The following HTR2C variants were observed in gnomAD, a reference collection of about 807,000 sequenced individuals.
HTR2C encodes 5-hydroxytryptamine receptor 2C.
A neutral mutation model predicts 21.0 loss-of-function variants in HTR2C; 5 were observed. That is an observed-to-expected ratio of 0.24 (90% CI 0.12 to 0.50). The LOEUF (loss-of-function observed/expected upper bound fraction) is 0.50, where lower values mean the gene tolerates loss of function less well. Ranked by LOEUF, HTR2C falls within the 20% of genes least tolerant of loss-of-function variation. HTR2C has a pLI of 0.98. For missense variants in HTR2C, 271 were observed against 371.2 expected, an observed-to-expected ratio of 0.73 and a Z score of 2.22; for synonymous variants, 150 against 145.3, an observed-to-expected ratio of 1.03 and a Z score of -0.23.
chrX:114,678,636 A>G (rs1258146470), intron 2 of HTR2C, among the ~76,000 whole-genome samples: 1 of 111,723 alleles, frequency 9.0e-6, no homozygotes, highest in Non-Finnish European at 1.9e-5. Flanking sequence ...TCTGGTAATC[A>G]TAATCTTGTG....
chrX:114,855,746 CTTTTTTTTTTTTT>C (rs782183285), intron 5 of HTR2C, among the ~76,000 whole-genome samples: 7 of 17,913 alleles, frequency 3.9e-4, no homozygotes, highest in African/African-American at 9.2e-4. Context: ...AAGCAACCAT[CTTTTTTTTTTTTT>C]TTTTTTTTTT....
At chrX:114,735,691 A>G (rs1438798905) in intron 4 of HTR2C, among the ~76,000 whole-genome samples, 1 of 111,638 alleles carries the variant, frequency 9.0e-6, no homozygotes, top group Admixed American at 9.5e-5. Flanking sequence ...ATAAGAAAAC[A>G]TGGGTCTAGG....
intron 4 of HTR2C, among the ~76,000 whole-genome samples, chrX:114,806,083 A>C (rs2070425246): frequency 9.8e-6 from 1 of 101,797 alleles, no homozygotes; most frequent in Admixed American, 1.1e-4. Flanking sequence ...TACACCATAT[A>C]TATACCACAT....
intron 4 of HTR2C, among the ~76,000 whole-genome samples, chrX:114,843,997 C>A (rs2070855034): frequency 9.0e-6 from 1 of 110,628 alleles, no homozygotes; most frequent in Non-Finnish European, 1.9e-5. Flanking sequence ...AAAGGGAGTC[C>A]TTCAGGATGA....
intron 4 of HTR2C, among the ~76,000 whole-genome samples, chrX:114,833,494 G>A (rs2070749533): frequency 9.0e-6 from 1 of 111,562 alleles, no homozygotes; most frequent in Admixed American, 9.5e-5. Context: ...GCGTAGAGGT[G>A]TTTGTAGTAT....
chrX:114,689,042 A>T (rs1556414704), intron 2 of HTR2C, among the ~76,000 whole-genome samples: 2 of 107,434 alleles, frequency 1.9e-5, no homozygotes. Flanking sequence ...TGACTTTTGC[A>T]TCCTCATACC....
rs782743181 is a variant in HTR2C at position 114,743,192 on chromosome X, G to A, written c.349+11585G>A. Among the ~76,000 whole-genome samples, 599 of 91,538 alleles carry A rather than the reference G, an allele frequency of 6.5e-3. 6 individuals are homozygous for A. The highest frequency in any genetic ancestry group is 0.022 in the African/African-American group (555 of 24,849). The allele number at this position is 91,538 out of a possible 115,157, so 79.5% of individuals were successfully genotyped here. Reference sequence around the variant, plus strand: ...GTGAATAGTGCCGCAATAAACATACGTGTGCATGTGTCTTTATAGCAGCAT... The same window carrying A: ...GTGAATAGTGCCGCAATAAACATACATGTGCATGTGTCTTTATAGCAGCAT... On this transcript the variant is annotated intron_variant, in intron 4 of 5. Transcript: ENST00000276198.
At chrX:114,665,960 A>G (rs1931161608) in intron 2 of HTR2C, among the ~76,000 whole-genome samples, 1 of 112,067 alleles carries the variant, frequency 8.9e-6, no homozygotes, top group Admixed American at 9.5e-5. Context: ...ATACCCTTGT[A>G]GGAAATTAAA....
intron 2 of HTR2C, among the ~76,000 whole-genome samples, chrX:114,709,153 TCTTAA>T (rs1932854791): frequency 1.8e-5 from 2 of 112,057 alleles, no homozygotes; most frequent in African/African-American, 6.5e-5. Context: ...GCAGAGATAC[TCTTAA>T]CTGCTATTTC....
At chrX:114,764,515 A>G (rs1160605600) in intron 4 of HTR2C, among the ~76,000 whole-genome samples, 2 of 112,184 alleles carry the variant, frequency 1.8e-5, no homozygotes, top group East Asian at 5.5e-4. Context: ...TTAACATTCC[A>G]GTTCTGGTTG....
intron 2 of HTR2C, among the ~76,000 whole-genome samples, chrX:114,627,822 G>A (rs1556403236): frequency 1.8e-5 from 2 of 111,748 alleles, no homozygotes. Context: ...TTTTTCTGTT[G>A]AATAGTTATC....
intron 5 of HTR2C, among the ~76,000 whole-genome samples, chrX:114,870,098 T>TA (rs1166271212): frequency 9.3e-4 from 101 of 108,995 alleles, no homozygotes; most frequent in African/African-American, 2.9e-3. Flanking sequence ...TTATTATTAT[T>TA]TTTTTTGAGA....
At chrX:114,880,070 A>G (rs1436332499) in intron 5 of HTR2C, among the ~76,000 whole-genome samples, 7 of 110,246 alleles carry the variant, frequency 6.3e-5, no homozygotes, top group African/African-American at 2.3e-4. Context: ...TTCATATATC[A>G]TAAAGCTCAT....
At chrX:114,821,391 A>G (rs1037587251) in intron 4 of HTR2C, among the ~76,000 whole-genome samples, 7 of 111,579 alleles carry the variant, frequency 6.3e-5, no homozygotes, top group Non-Finnish European at 1.1e-4. Context: ...TGTTCATACT[A>G]GTATCTGTAG....
At chrX:114,887,155 A>G (rs979382317) in intron 5 of HTR2C, among the ~76,000 whole-genome samples, 8 of 112,283 alleles carry the variant, frequency 7.1e-5, no homozygotes, top group African/African-American at 1.3e-4. Flanking sequence ...ACAAAGATTA[A>G]TAACAAGAAT....
At chrX:114,616,167 G>C (rs923312184) in intron 2 of HTR2C, among the ~76,000 whole-genome samples, 6 of 111,204 alleles carry the variant, frequency 5.4e-5, no homozygotes, top group Admixed American at 1.9e-4. Context: ...ACTGTAAATA[G>C]AAGAGTACCA....
intron 4 of HTR2C, among the ~76,000 whole-genome samples, chrX:114,835,992 G>A (rs5946000): frequency 1.0e-5 from 1 of 99,445 alleles, no homozygotes; most frequent in East Asian, 3.4e-4. Flanking sequence ...GCCCCTGCTG[G>A]GGGGTGCCTC....
At chrX:114,722,631 G>A (rs1176410843) in intron 2 of HTR2C, among the ~76,000 whole-genome samples, 2 of 106,191 alleles carry the variant, frequency 1.9e-5, no homozygotes, top group East Asian at 6.1e-4. Context: ...TGCCCATTCA[G>A]TATGATATTG....
chrX:114,664,721 T>A (rs1931112788), intron 2 of HTR2C, among the ~76,000 whole-genome samples: 1 of 111,703 alleles, frequency 9.0e-6, no homozygotes, highest in Non-Finnish European at 1.9e-5. Context: ...TCTGTATTCA[T>A]TTGGGTATAT....
Sources: allele counts gnomAD v4.1 joint callset (sites outside exome capture counted in the v4.1 genomes callset), GRCh38; gene constraint gnomAD v4.1.1; transcripts MANE v1.5; gene names NCBI Gene and HGNC (gene_info 2026-07-23, HGNC 2026-07-21).